Variants in KCNIP4 observed in about 807,000 individuals in gnomAD.
KCNIP4 encodes potassium voltage-gated channel interacting protein 4, also known as Kv channel-interacting protein 4.
Under a neutral mutation model 34.0 loss-of-function variants are expected in KCNIP4, and 12 were observed. That is an observed-to-expected ratio of 0.35 (90% CI 0.23 to 0.57). The LOEUF is 0.57. Among genes scored for constraint, KCNIP4 ranks in the 20% least tolerant of loss-of-function variants. The probability of loss-of-function intolerance (pLI) is 0.83; values close to 1 mark genes in which losing one functional copy is unlikely to be tolerated. For synonymous variants in KCNIP4, 124 were observed against 102.2 expected, an observed-to-expected ratio of 1.21 and a Z score of -1.29; for missense variants, 238 against 311.7, an observed-to-expected ratio of 0.76 and a Z score of 1.78.
chr4:21,614,104 G>C (rs1160740769), intron 1 of KCNIP4, among the ~76,000 whole-genome samples: 2 of 151,610 alleles, frequency 1.3e-5, no homozygotes, highest in Non-Finnish European at 2.9e-5. Flanking sequence ...GAGATGGTGG[G>C]GCTGCACTCC....
At chr4:21,165,449 CAA>C (rs1161082468) in intron 1 of KCNIP4, among the ~76,000 whole-genome samples, 1 of 618 alleles carries the variant, frequency 1.6e-3, no homozygotes, top group African/African-American at 0.014. Context: ...TTGAAAGCAT[CAA>C]AAAAAAAAAA....
intron 1 of KCNIP4, among the ~76,000 whole-genome samples, chr4:21,297,011 C>A (rs908280888): frequency 6.6e-5 from 10 of 151,074 alleles, no homozygotes; most frequent in Non-Finnish European, 1.3e-4. Context: ...TATACATACA[C>A]ACATACATAA....
At chr4:21,534,575 G>T (rs984841789) in intron 1 of KCNIP4, among the ~76,000 whole-genome samples, 2 of 152,072 alleles carry the variant, frequency 1.3e-5, no homozygotes, top group African/African-American at 4.8e-5. Flanking sequence ...CTACATTATG[G>T]TGCCTTTCTA....
intron 1 of KCNIP4, among the ~76,000 whole-genome samples, chr4:21,192,943 C>T (rs377017720): frequency 6.9e-6 from 1 of 145,292 alleles, no homozygotes; most frequent in Non-Finnish European, 1.5e-5. Flanking sequence ...ACTACTACTA[C>T]TACTACTACT....
At chr4:20,852,812 A>C (rs1721173747) in intron 2 of KCNIP4, among the ~76,000 whole-genome samples, 1 of 152,212 alleles carries the variant, frequency 6.6e-6, no homozygotes, top group Admixed American at 6.5e-5. Context: ...AAAAATCAGT[A>C]GCTCTTCTAT....
intron 1 of KCNIP4, among the ~76,000 whole-genome samples, chr4:21,323,936 C>A (rs919436257): frequency 1.3e-5 from 2 of 151,952 alleles, no homozygotes; most frequent in African/African-American, 4.8e-5. Flanking sequence ...TAGATAAAAA[C>A]CATTTTAACT....
At chr4:21,501,576 GT>G (rs1362758519) in intron 1 of KCNIP4, among the ~76,000 whole-genome samples, 1 of 151,882 alleles carries the variant, frequency 6.6e-6, no homozygotes, top group African/African-American at 2.4e-5. Context: ...AAAAGGTTTT[GT>G]TTCTCCAAAG....
intron 1 of KCNIP4, among the ~76,000 whole-genome samples, chr4:21,438,845 T>A (rs372584127): frequency 1.9e-4 from 29 of 152,198 alleles, no homozygotes; most frequent in African/African-American, 7.0e-4. Flanking sequence ...CAAGTTATAT[T>A]AACAGATACT....
At chr4:21,519,651 T>C (rs1375518644) in intron 1 of KCNIP4, among the ~76,000 whole-genome samples, 1 of 144,910 alleles carries the variant, frequency 6.9e-6, no homozygotes, top group Admixed American at 6.8e-5. Context: ...TGTGTGTATG[T>C]ATGTGTATAT....
intron 1 of KCNIP4, among the ~76,000 whole-genome samples, chr4:20,906,533 C>A (rs1727791881): frequency 1.3e-5 from 2 of 152,156 alleles, no homozygotes; most frequent in African/African-American, 4.8e-5. Flanking sequence ...CAAGAGAGAG[C>A]AGTCAAAACT....
intron 3 of KCNIP4, among the ~76,000 whole-genome samples, chr4:20,828,291 G>A (rs1418798186): frequency 1.3e-5 from 2 of 152,168 alleles, no homozygotes; most frequent in African/African-American, 4.8e-5. Flanking sequence ...GCTGGGTGTG[G>A]CAGTGTGTGC....
intron 1 of KCNIP4, among the ~76,000 whole-genome samples, chr4:21,299,813 C>G (rs1764055421): frequency 6.6e-6 from 1 of 152,170 alleles, no homozygotes; most frequent in South Asian, 2.1e-4. Context: ...GTCAACAGCA[C>G]AGCAGAATTA....
At chr4:21,226,190 T>C (rs1326910609) in intron 1 of KCNIP4, among the ~76,000 whole-genome samples, 2 of 135,620 alleles carry the variant, frequency 1.5e-5, no homozygotes, top group Non-Finnish European at 3.1e-5. Context: ...GGCAAAGGGA[T>C]TGTTTGAGGG....
chr4:20,922,299 T>A (rs1352657163), intron 1 of KCNIP4, among the ~76,000 whole-genome samples: 3 of 152,210 alleles, frequency 2.0e-5, no homozygotes, highest in Non-Finnish European at 4.4e-5. Context: ...TGAGTGGGCA[T>A]CATCCAGTCC....
intron 1 of KCNIP4, among the ~76,000 whole-genome samples, chr4:21,538,101 G>A (rs558438895): frequency 1.3e-5 from 2 of 151,484 alleles, no homozygotes; most frequent in African/African-American, 4.8e-5. Flanking sequence ...ACAGATGGAG[G>A]CAGAGATTGG....
chr4:21,562,048 C>T (rs1218604391), intron 1 of KCNIP4, among the ~76,000 whole-genome samples: 1 of 151,768 alleles, frequency 6.6e-6, no homozygotes, highest in Non-Finnish European at 1.5e-5. Context: ...TGAGAAAAAT[C>T]CTCTGGTCAT....
At chr4:21,054,268 T>C (rs1199972763) in intron 1 of KCNIP4, among the ~76,000 whole-genome samples, 1 of 151,994 alleles carries the variant, frequency 6.6e-6, no homozygotes, top group South Asian at 2.1e-4. Context: ...TCTATGATAC[T>C]AGCACTTTGG....
At chr4:21,700,984 C>G (rs4469066) in intron 1 of KCNIP4, among the ~76,000 whole-genome samples, 67,252 of 151,862 alleles carry the variant, frequency 0.44, 18,295 homozygotes, top group Non-Finnish European at 0.61. Context: ...TCACAATAGC[C>G]AAGATACAGA....
At position 20,875,293 on chromosome 4, in the gene KCNIP4, A is replaced by G. The variant is rs772588155; in HGVS notation, c.163+7315T>C. Among the ~76,000 whole-genome samples the G allele has an allele frequency of 2.0e-3, 297 of 152,278 alleles. 2 individuals are homozygous for G. The highest frequency in any genetic ancestry group is 3.6e-3 in the Non-Finnish European group (248 of 68,022). The stretch of plus-strand genomic sequence containing the variant: ...CTTTGCAGCTCCACTGCTGTGTTCA[A>G]TCTCTTCCCCTACTCCCATGCCTCT... On this transcript the variant is annotated intron_variant, in intron 2 of 8. Coordinates refer to ENST00000382152, the MANE Select transcript of KCNIP4 (RefSeq NM_025221.6).
Sources: allele counts gnomAD v4.1 joint callset (sites outside exome capture counted in the v4.1 genomes callset), GRCh38; gene constraint gnomAD v4.1.1; transcripts MANE v1.5; gene names NCBI Gene and HGNC (gene_info 2026-07-23, HGNC 2026-07-21).